The following CDH20 variants were observed in gnomAD, a reference collection of about 807,000 sequenced individuals.
CDH20 encodes the protein cadherin 20.
Under a neutral mutation model 74.2 loss-of-function variants are expected in CDH20, and 29 were observed. That is an observed-to-expected ratio of 0.39 (90% CI 0.29 to 0.53). The LOEUF (loss-of-function observed/expected upper bound fraction) is 0.53. Ranked by LOEUF, CDH20 falls within the 20% of genes least tolerant of loss-of-function variation. CDH20 has a pLI of 0.69. For synonymous variants in CDH20, 469 were observed against 405.4 expected (o/e 1.16, Z -1.88); for missense variants, 988 against 1,048.3 (o/e 0.94, Z 0.79).
At chr18:61,545,610 C>G (rs1337712589) in intron 10 of CDH20, among the ~76,000 whole-genome samples, 1 of 151,688 alleles carries the variant, frequency 6.6e-6, no homozygotes, top group Non-Finnish European at 1.5e-5. Flanking sequence ...CGGGAAAAAT[C>G]TGAGAAAGAT....
chr18:61,504,827 C>T lies in CDH20; in HGVS notation c.829+1707C>T, dbSNP rs74779867. The stretch of plus-strand genomic sequence containing the variant: ...TTGTATCTATGTAAACACAGGAGAT[C>T]TCAAATATTTACATGCAAATGGAAT... On this transcript the variant is annotated intron_variant, in intron 5 of 11. Coordinates refer to ENST00000262717, the MANE Select transcript of CDH20 (RefSeq NM_031891.4). 5.1e-3 allele frequency among the ~76,000 whole-genome samples: 780 copies of T among 152,098 alleles called. 11 individuals are homozygous for T. The highest frequency in any genetic ancestry group is 0.018 in the African/African-American group (734 of 41,482).
intron 1 of CDH20, among the ~76,000 whole-genome samples, chr18:61,390,248 A>G (rs79215711): frequency 0.025 from 3,765 of 152,242 alleles, 168 homozygotes; most frequent in African/African-American, 0.087. Flanking sequence ...ATCATCTAGA[A>G]CCATATAGTG....
chr18:61,488,373 T>C (rs1910841506), intron 1 of CDH20, among the ~76,000 whole-genome samples: 1 of 152,170 alleles, frequency 6.6e-6, no homozygotes, highest in African/African-American at 2.4e-5. Context: ...TATTTCTGGC[T>C]TAGCTCCATG....
At chr18:61,470,647 TAGAG>T (rs147063761) in intron 1 of CDH20, among the ~76,000 whole-genome samples, 1 of 151,336 alleles carries the variant, frequency 6.6e-6, no homozygotes, top group African/African-American at 2.4e-5. Flanking sequence ...TGACACCAGA[TAGAG>T]AAAGGACAAA....
At chr18:61,468,186 GC>G (rs1436124525) in intron 1 of CDH20, among the ~76,000 whole-genome samples, 1 of 152,190 alleles carries the variant, frequency 6.6e-6, no homozygotes, top group Non-Finnish European at 1.5e-5. Context: ...TGCAAGAGCA[GC>G]CGTGATCCAA....
chr18:61,518,689 TCCAAAAA>T (rs1912090159), intron 6 of CDH20, among the ~76,000 whole-genome samples: 1 of 151,096 alleles, frequency 6.6e-6, no homozygotes, highest in Non-Finnish European at 1.5e-5. Context: ...GGCTGAAAAT[TCCAAAAA>T]CCAGAATGCC....
intron 7 of CDH20, among the ~76,000 whole-genome samples, chr18:61,531,957 T>G (rs1179938924): frequency 5.3e-5 from 8 of 152,204 alleles, no homozygotes; most frequent in African/African-American, 4.8e-5. Flanking sequence ...ATAAATACCC[T>G]GTCTTGGGTA....
At chr18:61,450,131 C>T (rs1187568894) in intron 1 of CDH20, among the ~76,000 whole-genome samples, 1 of 151,992 alleles carries the variant, frequency 6.6e-6, no homozygotes, top group Non-Finnish European at 1.5e-5. Context: ...ATACCAGGCA[C>T]ATTATTTTAC....
chr18:61,384,916 T>C (rs1427924414), intron 1 of CDH20, among the ~76,000 whole-genome samples: 1 of 152,142 alleles, frequency 6.6e-6, no homozygotes. Context: ...TTTCTAAGAA[T>C]AGCAAAAATA....
At chr18:61,400,692 T>C (rs1002123906) in intron 1 of CDH20, among the ~76,000 whole-genome samples, 11 of 152,166 alleles carry the variant, frequency 7.2e-5, no homozygotes, top group Admixed American at 7.2e-4. Context: ...CCTGCACAAT[T>C]TTATTTCTAG....
intron 1 of CDH20, among the ~76,000 whole-genome samples, chr18:61,362,321 C>T (rs1201813619): frequency 6.6e-6 from 1 of 152,050 alleles, no homozygotes; most frequent in Non-Finnish European, 1.5e-5. Context: ...AACATAGAGA[C>T]CTAAAAACAG....
At chr18:61,516,173 T>A (rs1330783405) in intron 6 of CDH20, among the ~76,000 whole-genome samples, 1 of 152,242 alleles carries the variant, frequency 6.6e-6, no homozygotes, top group Non-Finnish European at 1.5e-5. Flanking sequence ...AAACTGTGCA[T>A]CTTACTTTAC....
At chr18:61,444,235 C>G (rs1404773025) in intron 1 of CDH20, among the ~76,000 whole-genome samples, 1 of 152,028 alleles carries the variant, frequency 6.6e-6, no homozygotes, top group Admixed American at 6.5e-5. Context: ...GTATCTAATA[C>G]ATAGTAGATA....
chr18:61,347,173 G>C (rs1230909846), intron 1 of CDH20, among the ~76,000 whole-genome samples: 1 of 150,828 alleles, frequency 6.6e-6, no homozygotes, highest in Non-Finnish European at 1.5e-5. Flanking sequence ...AACAGGCCAG[G>C]CTCAGTGGTT....
At chr18:61,455,329 T>C (rs1909536553) in intron 1 of CDH20, among the ~76,000 whole-genome samples, 1 of 152,206 alleles carries the variant, frequency 6.6e-6, no homozygotes, top group African/African-American at 2.4e-5. Context: ...ATAAAGTCTG[T>C]AGTTTAGTTA....
chr18:61,547,057 G>A (rs1229445768), intron 10 of CDH20, among the ~76,000 whole-genome samples: 2 of 152,186 alleles, frequency 1.3e-5, no homozygotes, highest in Admixed American at 6.5e-5. Flanking sequence ...AGCCAGGCAT[G>A]GTGGCACACA....
At chr18:61,503,150 C>A (rs200283458) in intron 5 of CDH20, 30 bp downstream of exon 5, 12 of 1,531,854 alleles carry the variant, frequency 7.8e-6, no homozygotes, top group Admixed American at 4.1e-5. Flanking sequence ...GAGCACAGAC[C>A]TCGGGCCCAG....
At chr18:61,424,264 C>A (rs1001504234) in intron 1 of CDH20, among the ~76,000 whole-genome samples, 1 of 152,164 alleles carries the variant, frequency 6.6e-6, no homozygotes, top group Non-Finnish European at 1.5e-5. Flanking sequence ...TTGAAATATA[C>A]AATAGATTAT....
intron 7 of CDH20, among the ~76,000 whole-genome samples, chr18:61,532,067 G>T (rs1022219608): frequency 6.6e-6 from 1 of 152,152 alleles, no homozygotes; most frequent in African/African-American, 2.4e-5. Flanking sequence ...TGTCAATAAG[G>T]CAGCATGGCC....
Sources: allele counts gnomAD v4.1 joint callset (sites outside exome capture counted in the v4.1 genomes callset), GRCh38; gene constraint gnomAD v4.1.1; transcripts MANE v1.5; gene names NCBI Gene and HGNC (gene_info 2026-07-23, HGNC 2026-07-21).